The following ETV1 variants were observed in gnomAD, a reference collection of about 807,000 sequenced individuals.
The protein encoded by ETV1 is ETS translocation variant 1.
In ETV1, 27 loss-of-function variants were observed where a neutral mutation model predicts 62.3. The observed-to-expected ratio is 0.43, with a 90% CI of 0.32 to 0.60. The LOEUF is 0.60. Among genes scored for constraint, ETV1 ranks in the 20% least tolerant of loss-of-function variants. The pLI, the probability that ETV1 is intolerant of heterozygous loss-of-function variation, is 0.06. For synonymous variants in ETV1, 222 were observed against 199.6 expected (o/e 1.11, Z -0.94); for missense variants, 605 against 605.8 (o/e 1.00, Z 0.01).
intron 9 of ETV1, 83 bp from the exon 10 acceptor site, chr7:13,911,390 G>A: frequency 5.5e-6 from 5 of 913,062 alleles, no homozygotes; most frequent in African/African-American, 1.6e-5. Context: ...AGACAGAGAA[G>A]ATACAGAAAC....
At chr7:13,950,210 G>A (rs1164109573) in intron 6 of ETV1, among the ~76,000 whole-genome samples, 1 of 152,148 alleles carries the variant, frequency 6.6e-6, no homozygotes, top group East Asian at 1.9e-4. Context: ...CTACCTTTAT[G>A]GGGGAAGGCA....
intron 12 of ETV1, 48 bp from the exon 13 acceptor site, chr7:13,900,887 G>T: frequency 8.2e-7 from 1 of 1,222,192 alleles, no homozygotes; most frequent in Non-Finnish European, 1.2e-6. Context: ...TAACTTATCA[G>T]CATATTTCAT....
chr7:13,911,774 T>G (rs79332002), intron 9 of ETV1, among the ~76,000 whole-genome samples: 19,172 of 152,166 alleles, frequency 0.13, 1,331 homozygotes, highest in East Asian at 0.26. Context: ...ATACTATGCC[T>G]TCTTCATATG....
chr7:13,893,724 A>G lies in ETV1; in HGVS notation c.*2142T>C, dbSNP rs1781538127. 1.7e-5 allele frequency: 4 copies of G among 232,840 alleles called. No individual in the cohort carries two copies. In the South Asian group the frequency reaches 7.2e-4, roughly 42 times the overall value. 14.4% of individuals were successfully genotyped at this position (232,840 alleles called of 1,614,324 possible). A position where few individuals can be genotyped will look rare whatever the true frequency, so the allele number is the denominator to read the frequency against. ...AAATTTTCTCCTTCAATTTCACCAA[A>G]TCTCAATTATATATCTCAATTCCTT... is the stretch of plus-strand genomic sequence containing the variant. On this transcript the variant is annotated 3_prime_UTR_variant, in exon 14 of 14. Coordinates refer to ENST00000430479, the MANE Select transcript of ETV1 (RefSeq NM_004956.5).
At chr7:13,980,334 A>G (rs927398861) in intron 5 of ETV1, among the ~76,000 whole-genome samples, 3 of 152,184 alleles carry the variant, frequency 2.0e-5, no homozygotes, top group African/African-American at 4.8e-5. Flanking sequence ...TGTATCATAC[A>G]TTTCCTTTTT....
chr7:13,978,526 G>C (rs2128502817), intron 5 of ETV1, among the ~76,000 whole-genome samples: 1 of 152,000 alleles, frequency 6.6e-6, no homozygotes, highest in East Asian at 1.9e-4. Flanking sequence ...CTTCATTAGT[G>C]TTACGTAATA....
intron 9 of ETV1, among the ~76,000 whole-genome samples, chr7:13,927,705 T>A (rs745791699): frequency 1.3e-5 from 2 of 152,220 alleles, no homozygotes; most frequent in Non-Finnish European, 1.5e-5. Context: ...TATACATATG[T>A]GTCAACTTAA....
intron 11 of ETV1, among the ~76,000 whole-genome samples, chr7:13,907,060 AAT>A (rs1783047766): frequency 6.6e-6 from 1 of 152,164 alleles, no homozygotes; most frequent in Non-Finnish European, 1.5e-5. Flanking sequence ...ATAATTTATA[AAT>A]ATCTTATTGA....
chr7:13,909,623 A>G lies in ETV1; in HGVS notation c.940+9T>C. On this transcript the variant is annotated intron_variant, in intron 11 of 13. Transcript: ENST00000430479. ...AAAATCAGAACTTGAGGCAAAGTGT[A>G]AAACCTACCATCGAATTTTTCTGGG... is the stretch of plus-strand genomic sequence containing the variant. 1.2e-6 allele frequency: 2 copies of G among 1,609,942 alleles called. No homozygotes were observed. Among genetic ancestry groups the G allele is most frequent in the Non-Finnish European group, 1.7e-6 (2 of 1,176,632 alleles).
In ETV1 at chr7:13,986,030, A is replaced by C. The variant is rs2128513011; in HGVS notation, c.181+608T>G. On this transcript the variant is annotated intron_variant, in intron 5 of 13. Transcript: ENST00000430479. ...GTCAATTTCAGCAAACATAACATGA[A>C]TAGTAACACATGGAAAACATTTTTA... The C allele has an allele frequency of 2.8e-6, 3 of 1,068,888 alleles. No homozygotes were observed. In the East Asian group the frequency reaches 7.8e-5, roughly 28 times the overall value. The allele number at this position is 1,068,888 out of a possible 1,614,324, so 66.2% of individuals were successfully genotyped here.
intron 12 of ETV1, among the ~76,000 whole-genome samples, chr7:13,905,543 A>AGTT: frequency 6.6e-6 from 1 of 152,298 alleles, no homozygotes; most frequent in South Asian, 2.1e-4. Flanking sequence ...GCTATTGATG[A>AGTT]GTTATGCTAC....
At chr7:13,919,846 G>A (rs190186604) in intron 9 of ETV1, among the ~76,000 whole-genome samples, 232 of 151,280 alleles carry the variant, frequency 1.5e-3, no homozygotes, top group Non-Finnish European at 2.6e-3. Context: ...CCCTTCTTTT[G>A]TTCATATTCA....
chr7:13,937,268 T>C (rs796383326), intron 7 of ETV1, among the ~76,000 whole-genome samples: 9 of 152,306 alleles, frequency 5.9e-5, no homozygotes, highest in African/African-American at 1.7e-4. Flanking sequence ...ATATAATGAA[T>C]TGCATGTTTG....
chr7:13,929,562 TG>T (rs368895738), intron 9 of ETV1, among the ~76,000 whole-genome samples: 241 of 152,280 alleles, frequency 1.6e-3, no homozygotes, highest in South Asian at 7.7e-3. Flanking sequence ...AGCTCAATAT[TG>T]GGCCACACTG....
At chr7:13,943,154 G>C (rs898956155) in intron 6 of ETV1, among the ~76,000 whole-genome samples, 2 of 152,102 alleles carry the variant, frequency 1.3e-5, no homozygotes, top group Non-Finnish European at 2.9e-5. Flanking sequence ...CTTAAAAAAT[G>C]GGCAAAAAGT....
chr7:13,952,507 T>C (rs1788944606), intron 6 of ETV1, among the ~76,000 whole-genome samples: 1 of 152,128 alleles, frequency 6.6e-6, no homozygotes, highest in Admixed American at 6.6e-5. Flanking sequence ...CAACCCTTAA[T>C]CACCATGAAA....
chr7:13,917,585 G>A (rs550690461), intron 9 of ETV1, among the ~76,000 whole-genome samples: 1 of 151,828 alleles, frequency 6.6e-6, no homozygotes, highest in African/African-American at 2.4e-5. Context: ...CCAAAGTACT[G>A]GGGTTACAGG....
intron 5 of ETV1, among the ~76,000 whole-genome samples, chr7:13,977,959 T>C (rs1781617796): frequency 6.6e-6 from 1 of 152,188 alleles, no homozygotes; most frequent in South Asian, 2.1e-4. Flanking sequence ...TTCTCTGTCC[T>C]GCAAAATACA....
intron 6 of ETV1, 23 bp downstream of exon 6, chr7:13,977,404 G>A: frequency 8.9e-6 from 13 of 1,455,472 alleles, no homozygotes; most frequent in Non-Finnish European, 1.2e-5. Flanking sequence ...AAAAATACAA[G>A]AGATGAGTCA....
Sources: gnomAD v4.1 joint callset for allele counts (sites outside exome capture counted in the v4.1 genomes callset) on GRCh38, gnomAD v4.1.1 for gene constraint, MANE v1.5 for transcripts, NCBI Gene and HGNC (gene_info 2026-07-23, HGNC 2026-07-21) for gene names.